Variants in DNM3 observed in about 807,000 individuals in gnomAD.
DNM3 encodes dynamin 3.
In DNM3, 47 loss-of-function variants were observed where a neutral mutation model predicts 101.6. That is an observed-to-expected ratio of 0.46 (90% CI 0.37 to 0.59). The LOEUF (loss-of-function observed/expected upper bound fraction) is 0.59. DNM3 is among the 20% of genes least tolerant of loss of function. The probability of loss-of-function intolerance (pLI) is 0.00; values close to 1 mark genes in which losing one functional copy is unlikely to be tolerated. For missense variants in DNM3, 849 were observed against 1,085.7 expected (o/e 0.78, Z 3.06); for synonymous variants, 385 against 387.9 (o/e 0.99, Z 0.09).
chr1:172,043,726 G>T (rs750534237), intron 8 of DNM3, among the ~76,000 whole-genome samples: 4 of 152,124 alleles, frequency 2.6e-5, no homozygotes, highest in Non-Finnish European at 5.9e-5. Flanking sequence ...GCTGTGAGGG[G>T]AGGAAATGGA....
At chr1:172,103,865 G>C (rs1285803129) in intron 13 of DNM3, among the ~76,000 whole-genome samples, 1 of 152,150 alleles carries the variant, frequency 6.6e-6, no homozygotes, top group Non-Finnish European at 1.5e-5. Context: ...GCTGGGCGTG[G>C]TGGTGCATGC....
At chr1:172,194,314 G>A (rs562585403) in intron 14 of DNM3, among the ~76,000 whole-genome samples, 190 of 152,242 alleles carry the variant, frequency 1.2e-3, no homozygotes, top group Non-Finnish European at 1.7e-3. Context: ...GTGTGATGTG[G>A]TGCTGAGAAG....
chr1:171,978,270 A>T (rs2044529218), intron 2 of DNM3, among the ~76,000 whole-genome samples: 1 of 152,180 alleles, frequency 6.6e-6, no homozygotes, highest in Non-Finnish European at 1.5e-5. Flanking sequence ...ATGTAATAGG[A>T]TGTGATTAAG....
intron 16 of DNM3, among the ~76,000 whole-genome samples, chr1:172,318,166 G>A (rs192651234): frequency 1.8e-3 from 281 of 152,226 alleles, no homozygotes; most frequent in African/African-American, 6.5e-3. Flanking sequence ...TGCAGAAAAG[G>A]CCCTTGAAAA....
At chr1:171,958,483 A>C (rs1431982124) in intron 2 of DNM3, among the ~76,000 whole-genome samples, 1 of 152,176 alleles carries the variant, frequency 6.6e-6, no homozygotes, top group Non-Finnish European at 1.5e-5. Context: ...TGGAAGTGAG[A>C]AACACTGTGA....
Position 171,988,941 on chromosome 1 carries a change from A to G in DNM3, c.386-4A>G. 6.3e-7 allele frequency: 1 copy of G among 1,578,710 alleles called. No individual in the cohort carries two copies. Among genetic ancestry groups the G allele is most frequent in the Non-Finnish European group, 8.6e-7 (1 of 1,161,050 alleles). On this transcript the variant is annotated splice_polypyrimidine_tract_variant and splice_region_variant and intron_variant, in intron 3 of 20. Transcript: ENST00000627582. ...TGTAAGACTCCTTTATCCTTTCCAC[A>G]CAGTGTTAAATCTAACCCTTATTGA...
chr1:172,258,392 A>G (rs72721175), intron 15 of DNM3, among the ~76,000 whole-genome samples: 16,076 of 152,048 alleles, frequency 0.11, 1,150 homozygotes, highest in Non-Finnish European at 0.17. Flanking sequence ...CCAAGAGTGT[A>G]TGTTCCCTTT....
intron 14 of DNM3, among the ~76,000 whole-genome samples, chr1:172,222,264 C>T (rs1160961607): frequency 1.3e-5 from 2 of 152,180 alleles, no homozygotes; most frequent in Non-Finnish European, 2.9e-5. Context: ...AAAGAATGTA[C>T]ACGATGGATA....
At chr1:172,198,592 C>T (rs1394734343) in intron 14 of DNM3, among the ~76,000 whole-genome samples, 1 of 151,888 alleles carries the variant, frequency 6.6e-6, no homozygotes, top group Non-Finnish European at 1.5e-5. Context: ...AATTTTGGAG[C>T]TTGCTGTTGG....
chr1:171,847,886 C>CTGTGTGTG (rs1375579938), intron 1 of DNM3, among the ~76,000 whole-genome samples: 11 of 50,940 alleles, frequency 2.2e-4, no homozygotes, highest in East Asian at 8.7e-4. Context: ...ATTACTCTCT[C>CTGTGTGTG]TCTCTCTCTC....
chr1:172,363,689 T>C (rs1465277115), intron 17 of DNM3, among the ~76,000 whole-genome samples: 1 of 151,908 alleles, frequency 6.6e-6, no homozygotes, highest in Non-Finnish European at 1.5e-5. Flanking sequence ...ACATCCTTTC[T>C]GGTGACCTTT....
intron 1 of DNM3, among the ~76,000 whole-genome samples, chr1:171,867,745 T>C (rs533439960): frequency 6.6e-6 from 1 of 152,330 alleles, no homozygotes; most frequent in African/African-American, 2.4e-5. Context: ...ATCCCCATCA[T>C]CCTAGTATTT....
intron 20 of DNM3, chr1:172,397,258 A>T (rs2070084074): frequency 6.6e-6 from 1 of 152,628 alleles, no homozygotes; most frequent in African/African-American, 2.4e-5. Flanking sequence ...GGCAAATTCC[A>T]CCTTAATTAT....
chr1:172,130,783 G>C (rs543604729), intron 13 of DNM3, among the ~76,000 whole-genome samples: 4 of 152,216 alleles, frequency 2.6e-5, no homozygotes, highest in African/African-American at 9.6e-5. Flanking sequence ...AAATGGGCCA[G>C]TAGGCTGGAA....
chr1:172,130,035 G>A (rs1334779238), intron 13 of DNM3, among the ~76,000 whole-genome samples: 2 of 152,154 alleles, frequency 1.3e-5, no homozygotes, highest in Non-Finnish European at 2.9e-5. Context: ...TTGGAAGACA[G>A]TGATGAGAAC....
chr1:172,052,473 G>GA (rs1572268628), intron 10 of DNM3, among the ~76,000 whole-genome samples: 1 of 152,072 alleles, frequency 6.6e-6, no homozygotes, highest in Non-Finnish European at 1.5e-5. Flanking sequence ...GCCTTCTTGG[G>GA]AAAAAAGTAG....
chr1:172,325,488 A>G (rs1477154913), intron 17 of DNM3, among the ~76,000 whole-genome samples: 2 of 151,762 alleles, frequency 1.3e-5, no homozygotes, highest in Non-Finnish European at 2.9e-5. Context: ...TAATGCTTAT[A>G]CTTTTTAAAT....
intron 1 of DNM3, among the ~76,000 whole-genome samples, chr1:171,919,047 G>A (rs1266540101): frequency 6.6e-6 from 1 of 151,868 alleles, no homozygotes; most frequent in Non-Finnish European, 1.5e-5. Flanking sequence ...CATTATTCAG[G>A]CCATTCATCA....
chr1:172,164,767 C>T (rs1366197605), intron 14 of DNM3, among the ~76,000 whole-genome samples: 1 of 152,006 alleles, frequency 6.6e-6, no homozygotes, highest in African/African-American at 2.4e-5. Flanking sequence ...TCTACCAAAC[C>T]ATAGCCACTC....
Sources: allele counts gnomAD v4.1 joint callset (sites outside exome capture counted in the v4.1 genomes callset), GRCh38; gene constraint gnomAD v4.1.1; transcripts MANE v1.5; gene names NCBI Gene and HGNC (gene_info 2026-07-23, HGNC 2026-07-21).